RANBP2: variants seen among roughly 807,000 people sequenced by gnomAD.
RANBP2 encodes the protein RAN binding protein 2, also known as E3 SUMO-protein ligase RanBP2.
RANBP2 carries 57 observed loss-of-function variants against 303.6 expected under a neutral mutation model. That is an observed-to-expected ratio of 0.19 (90% CI 0.15 to 0.23). The LOEUF (loss-of-function observed/expected upper bound fraction) is 0.23. Among genes scored for constraint, RANBP2 ranks in the 10% least tolerant of loss-of-function variants. RANBP2 has a pLI of 1.00. For missense variants in RANBP2, 3,138 were observed against 3,780.8 expected (o/e 0.83, Z 4.46); for synonymous variants, 1,167 against 1,301.5 (o/e 0.90, Z 2.23).
the RANBP2 span, among the ~76,000 whole-genome samples, chr2:109,275,006 G>A: frequency 6.6e-6 from 1 of 152,048 alleles, no homozygotes; most frequent in Non-Finnish European, 1.5e-5. Flanking sequence ...CTAGTTCTAA[G>A]CACCATTTAT....
the RANBP2 span, among the ~76,000 whole-genome samples, chr2:108,931,369 G>A: frequency 6.6e-6 from 1 of 152,222 alleles, no homozygotes; most frequent in Non-Finnish European, 1.5e-5. Flanking sequence ...TAAGTCTGGA[G>A]TCCTCCAGGC....
the RANBP2 span, among the ~76,000 whole-genome samples, chr2:109,409,337 G>A: frequency 6.6e-6 from 1 of 152,200 alleles, no homozygotes; most frequent in Non-Finnish European, 1.5e-5. Context: ...TCTAGACTTT[G>A]CAGCCAGGTA....
In RANBP2 at chr2:108,737,860, C is replaced by T. The variant is rs367790452; in HGVS notation, c.782+1611C>T. Among the ~76,000 whole-genome samples, 3 of 144,466 alleles carry T rather than the reference C, an allele frequency of 2.1e-5. No individual in the cohort carries two copies. The East Asian group carries it at 5.9e-4, about 29-fold the overall frequency. 94.8% of individuals were successfully genotyped at this position (144,466 alleles called of 152,430 possible). A position where few individuals can be genotyped will look rare whatever the true frequency, so the allele number is the denominator to read the frequency against. On this transcript the variant is annotated intron_variant, in intron 6 of 28. Transcript: ENST00000283195. ...TCCTGAGTAGCTGGGACTACAGGCG[C>T]CCACCACCACGCTCCGCTAATTTTT...
intron 20 of RANBP2, among the ~76,000 whole-genome samples, chr2:108,771,280 A>T (rs1271788813): frequency 6.6e-6 from 1 of 151,782 alleles, no homozygotes; most frequent in South Asian, 2.1e-4. Context: ...TTAGTTTCAT[A>T]TGTATAGTAA....
chr2:109,626,871 T>G, the RANBP2 span, among the ~76,000 whole-genome samples: 362 of 152,294 alleles, frequency 2.4e-3, 2 homozygotes, highest in Non-Finnish European at 3.5e-3. Context: ...AGGGGAGCCC[T>G]TGTTGGGTCT....
chr2:109,371,748 C>A, the RANBP2 span: 2 of 1,385,140 alleles, frequency 1.4e-6, no homozygotes, highest in South Asian at 2.4e-5. Context: ...ACAGTGGGGT[C>A]ACCTGACCTT....
At chr2:109,652,529 C>G in the RANBP2 span, among the ~76,000 whole-genome samples, 3 of 152,152 alleles carry the variant, frequency 2.0e-5, no homozygotes, top group Non-Finnish European at 4.4e-5. Flanking sequence ...TCTCTCATCA[C>G]CGTATCCTGA....
At chr2:109,447,919 C>G in the RANBP2 span, among the ~76,000 whole-genome samples, 1 of 152,124 alleles carries the variant, frequency 6.6e-6, no homozygotes, top group Non-Finnish European at 1.5e-5. Flanking sequence ...ACCTGGAAGC[C>G]CGGTGCTTCG....
chr2:109,618,646 T>G, the RANBP2 span: 1 of 166,958 alleles, frequency 6.0e-6, no homozygotes, highest in South Asian at 2.1e-4. Flanking sequence ...AGCAAATGAT[T>G]GATATAATTT....
chr2:108,777,327 GTTTC>G, intron 25 of RANBP2, 96 bp downstream of exon 25: 1 of 964,290 alleles, frequency 1.0e-6, no homozygotes, highest in Non-Finnish European at 1.5e-6. Context: ...TAAGTTAGAA[GTTTC>G]TTCCCTTACC....
At chr2:109,615,491 C>T in the RANBP2 span, 1 of 1,613,640 alleles carries the variant, frequency 6.2e-7, no homozygotes, top group South Asian at 1.1e-5. Context: ...CGGTGAACAT[C>T]GACGCCAGGA....
At chr2:108,884,625 G>A in the RANBP2 span, 1 of 152,204 alleles carries the variant, frequency 6.6e-6, no homozygotes, top group Non-Finnish European at 1.5e-5. Flanking sequence ...ATAAACATCA[G>A]AAAGTCAAGG....
chr2:109,546,567 C>A, the RANBP2 span, among the ~76,000 whole-genome samples: 1 of 150,504 alleles, frequency 6.6e-6, no homozygotes. Flanking sequence ...AGTCCATGCT[C>A]AATAAAAATA....
chr2:109,527,231 C>T, the RANBP2 span, among the ~76,000 whole-genome samples: 1 of 152,200 alleles, frequency 6.6e-6, no homozygotes, highest in Non-Finnish European at 1.5e-5. Flanking sequence ...TGCCGCACGC[C>T]TTCACTGTGC....
the RANBP2 span, among the ~76,000 whole-genome samples, chr2:109,280,106 C>A: frequency 4.7e-4 from 72 of 152,220 alleles, no homozygotes; most frequent in African/African-American, 1.7e-3. Context: ...TTTTTTTCTG[C>A]ATGTTTTTTG....
chr2:109,262,578 T>C, the RANBP2 span, among the ~76,000 whole-genome samples: 1 of 152,238 alleles, frequency 6.6e-6, no homozygotes, highest in Admixed American at 6.5e-5. Context: ...TAATGTTGTT[T>C]CTTTTAAAGA....
At chr2:109,498,366 T>G in the RANBP2 span, among the ~76,000 whole-genome samples, 15 of 152,082 alleles carry the variant, frequency 9.9e-5, no homozygotes, top group Non-Finnish European at 1.8e-4. Context: ...CCTCCATGCC[T>G]CCTCCTCTTG....
At chr2:108,794,915 C>T in the RANBP2 span, among the ~76,000 whole-genome samples, 1 of 152,116 alleles carries the variant, frequency 6.6e-6, no homozygotes, top group African/African-American at 2.4e-5. Context: ...AAAATAGAGA[C>T]AGTGGCGTTT....
chr2:109,481,600 C>T, the RANBP2 span, among the ~76,000 whole-genome samples: 6 of 152,060 alleles, frequency 3.9e-5, no homozygotes, highest in East Asian at 1.9e-4. Context: ...GCTAAACGTG[C>T]GCTTCATCCC....
Sources: allele counts gnomAD v4.1 joint callset (sites outside exome capture counted in the v4.1 genomes callset), GRCh38; gene constraint gnomAD v4.1.1; transcripts MANE v1.5; gene names NCBI Gene and HGNC (gene_info 2026-07-23, HGNC 2026-07-21).